Variants in ALAS2 observed in about 807,000 individuals in gnomAD.
ALAS2 encodes 5-aminolevulinate synthase, erythroid-specific, mitochondrial.
Under a neutral mutation model 33.7 loss-of-function variants are expected in ALAS2, and 3 were observed. That is an observed-to-expected ratio of 0.09 (90% CI 0.04 to 0.23). The LOEUF (loss-of-function observed/expected upper bound fraction) is 0.23, where lower values mean the gene tolerates loss of function less well. Ranked by LOEUF, ALAS2 falls within the 10% of genes least tolerant of loss-of-function variation. The pLI is 1.00. For missense variants in ALAS2, 304 were observed against 475.1 expected, an observed-to-expected ratio of 0.64 and a Z score of 3.35; for synonymous variants, 191 against 177.3, an observed-to-expected ratio of 1.08 and a Z score of -0.61.
At position 55,021,198 on chromosome X, in the gene ALAS2, C is replaced by T. The variant is rs763076832; in HGVS notation, c.492G>A (p.Val164=). The change falls in exon 5 of 11, where the codon GTG becomes GTA. Residue 164 remains valine, a synonymous_variant. Coordinates refer to ENST00000650242, the MANE Select transcript of ALAS2 (RefSeq NM_000032.5). ...MEKKQDHTYR[V]FKTVNRWADA... ...CAGCCCAGCGGTTCACAGTCTTGAA[C>T]ACACGGTAGGTGTGATCCTGTTTCT... 4 of 1,211,873 alleles carry T rather than the reference C, an allele frequency of 3.3e-6. No individual in the cohort carries two copies. Among genetic ancestry groups the T allele is most frequent in the Non-Finnish European group, 4.5e-6 (4 of 895,444 alleles).
At chrX:55,020,179 G>T (rs1055539115) in intron 6 of ALAS2, 141 bp downstream of exon 6, 4 of 598,298 alleles carry the variant, frequency 6.7e-6, no homozygotes, top group Non-Finnish European at 1.1e-5. Context: ...ATCCAGTGTT[G>T]AGGATATGCA....
intron 4 of ALAS2, among the ~76,000 whole-genome samples, chrX:55,023,493 A>G (rs950454864): frequency 3.6e-5 from 4 of 111,184 alleles, no homozygotes; most frequent in Non-Finnish European, 5.7e-5. Context: ...CTAATATTTA[A>G]TGAAGCCTCA....
chrX:55,014,321 A>G (rs950686658), intron 9 of ALAS2, among the ~76,000 whole-genome samples: 1 of 111,972 alleles, frequency 8.9e-6, no homozygotes, highest in Admixed American at 9.4e-5. Context: ...ATACATGTGT[A>G]TATGCAAATA....
chrX:55,020,211 A>G (rs1935777178), intron 6 of ALAS2, 109 bp downstream of exon 6: 14 of 781,537 alleles, frequency 1.8e-5, no homozygotes, highest in Non-Finnish European at 2.7e-5. Context: ...AAGGAAGAAC[A>G]ATGGGAGTGA....
At chrX:55,020,853 C>A (rs1044953644) in intron 5 of ALAS2, among the ~76,000 whole-genome samples, 199 bp downstream of exon 5, 1 of 112,198 alleles carries the variant, frequency 8.9e-6, no homozygotes, top group African/African-American at 3.2e-5. Context: ...CCCTCCATAG[C>A]ATTGGACACC....
At position 55,019,572 on chromosome X, in the gene ALAS2, G is replaced by A. The variant is rs756402442; in HGVS notation, c.823+748C>T. ...TGACCAGGGAAATGGGATTGTCAGA[G>A]ACCATGGAGAACCCAGTAGAGGTTA... On this transcript the variant is annotated intron_variant, in intron 6 of 10. Coordinates refer to ENST00000650242, the MANE Select transcript of ALAS2 (RefSeq NM_000032.5). 3.6e-5 allele frequency among the ~76,000 whole-genome samples: 4 copies of A among 111,506 alleles called. No individual in the cohort carries two copies. In the East Asian group the frequency reaches 8.5e-4, roughly 24 times the overall value.
chrX:55,014,028 A>T (rs1035112871), intron 9 of ALAS2, among the ~76,000 whole-genome samples: 5 of 111,523 alleles, frequency 4.5e-5, no homozygotes, highest in African/African-American at 1.6e-4. Flanking sequence ...TTAATTCATA[A>T]AATGAGTGTT....
chrX:55,011,778 C>T (rs1317526303), intron 10 of ALAS2, among the ~76,000 whole-genome samples: 3 of 111,130 alleles, frequency 2.7e-5, no homozygotes, highest in Non-Finnish European at 5.7e-5. Context: ...CAATTGAAGC[C>T]CAGAGCAAAA....
intron 4 of ALAS2, among the ~76,000 whole-genome samples, chrX:55,022,103 G>A (rs777156778): frequency 9.0e-6 from 1 of 111,459 alleles, no homozygotes; most frequent in South Asian, 3.7e-4. Context: ...TACAAAATGG[G>A]GTAACTTTAT....
chrX:55,011,381 G>A (rs892461055), intron 10 of ALAS2, among the ~76,000 whole-genome samples: 5 of 111,666 alleles, frequency 4.5e-5, no homozygotes, highest in South Asian at 3.8e-4. Context: ...TACATATTCT[G>A]TTCCTTCACC....
At chrX:55,030,568 A>G in intron 1 of ALAS2, among the ~76,000 whole-genome samples, 1 of 111,396 alleles carries the variant, frequency 9.0e-6, no homozygotes, top group East Asian at 2.8e-4. Flanking sequence ...AGAGACAGAA[A>G]CACAGAGACG....
intron 1 of ALAS2, among the ~76,000 whole-genome samples, chrX:55,028,617 C>G (rs762617651): frequency 9.0e-6 from 1 of 111,424 alleles, no homozygotes; most frequent in Non-Finnish European, 1.9e-5. Context: ...TAGACCACTT[C>G]TTGGAATTTG....
chrX:55,009,132 G>A lies in ALAS2; in HGVS notation c.*48C>T. ...AAAGCAGAAGACAGGAGTAGGCCTGGACCCAAGTGAAGCGCAGGTGGGGTG... is the reference window on the plus strand; with the variant it reads ...AAAGCAGAAGACAGGAGTAGGCCTGAACCCAAGTGAAGCGCAGGTGGGGTG... On this transcript the variant is annotated 3_prime_UTR_variant, in exon 11 of 11. Coordinates refer to ENST00000650242, the MANE Select transcript of ALAS2 (RefSeq NM_000032.5). The A allele has an allele frequency of 3.4e-6, 4 of 1,189,013 alleles. No individual in the cohort carries two copies. The highest frequency in any genetic ancestry group is 1.7e-5 in the African/African-American group (1 of 57,529).
intron 10 of ALAS2, among the ~76,000 whole-genome samples, chrX:55,011,374 A>T (rs1392027100): frequency 8.9e-6 from 1 of 111,898 alleles, no homozygotes; most frequent in African/African-American, 3.2e-5. Context: ...ATTCTAATAC[A>T]TATTCTGTTC....
chrX:55,022,416 G>C (rs1239413548), intron 4 of ALAS2, among the ~76,000 whole-genome samples: 1 of 111,670 alleles, frequency 9.0e-6, no homozygotes, highest in African/African-American at 3.3e-5. Flanking sequence ...AATGGGCATA[G>C]AATATGAACA....
intron 1 of ALAS2, 28 bp from the exon 2 acceptor site, chrX:55,026,043 T>A: frequency 1.7e-6 from 2 of 1,183,350 alleles, no homozygotes; most frequent in Non-Finnish European, 2.3e-6. Context: ...GAGATGAGGT[T>A]CCATCATGAG....
intron 8 of ALAS2, 28 bp from the exon 9 acceptor site, chrX:55,015,043 A>C: frequency 8.3e-7 from 1 of 1,199,017 alleles, no homozygotes; most frequent in Non-Finnish European, 1.1e-6. Flanking sequence ...TAAGATATAC[A>C]CAGATCCCAT....
chrX:55,025,202 G>A (rs1442764091), intron 2 of ALAS2, among the ~76,000 whole-genome samples: 1 of 111,842 alleles, frequency 8.9e-6, no homozygotes, highest in Non-Finnish European at 1.9e-5. Context: ...CCAGTACAGG[G>A]TCTAGGAGAG....
intron 2 of ALAS2, among the ~76,000 whole-genome samples, chrX:55,025,451 A>C (rs776889478): frequency 1.5e-4 from 17 of 111,098 alleles, no homozygotes; most frequent in Non-Finnish European, 2.8e-4. Flanking sequence ...TCTCTGCCTC[A>C]GCCTCCCAAG....
Sources: gnomAD v4.1 joint callset for allele counts (sites outside exome capture counted in the v4.1 genomes callset) on GRCh38, gnomAD v4.1.1 for gene constraint, MANE v1.5 for transcripts, NCBI Gene and HGNC (gene_info 2026-07-23, HGNC 2026-07-21) for gene names.